The following SH2B2 variants were observed in gnomAD, a reference collection of about 807,000 sequenced individuals.
The protein encoded by SH2B2 is SH2B adapter protein 2.
SH2B2 carries 37 observed loss-of-function variants against 35.7 expected under a neutral mutation model. The ratio of observed to expected loss-of-function variants is 1.04; its 90% confidence interval spans 0.80 to 1.36. The LOEUF (loss-of-function observed/expected upper bound fraction) is 1.36. Among genes scored for constraint, SH2B2 ranks in the 40% most tolerant of loss-of-function variants. The pLI, the probability that SH2B2 is intolerant of heterozygous loss-of-function variation, is 0.00. For missense variants in SH2B2, 852 were observed against 817.7 expected (o/e 1.04, Z -0.51); for synonymous variants, 383 against 376.4 (o/e 1.02, Z -0.20).
At chr7:102,315,163 TG>T (rs1170387921) in intron 6 of SH2B2, among the ~76,000 whole-genome samples, 3 of 146,784 alleles carry the variant, frequency 2.0e-5, no homozygotes, top group African/African-American at 7.6e-5. Flanking sequence ...CACTCCAGCC[TG>T]GGCGACAGAG....
At position 102,300,883 on chromosome 7, in the gene SH2B2, C is replaced by G; in HGVS notation, c.333C>G (p.Pro111=). The G allele has an allele frequency of 6.8e-7, 1 of 1,466,210 alleles. No homozygotes were observed. The allele number at this position is 1,466,210 out of a possible 1,614,324, so 90.8% of individuals were successfully genotyped here. A position where few individuals can be genotyped will look rare whatever the true frequency, so the allele number is the denominator to read the frequency against. Residue 111 remains proline, a synonymous_variant, in exon 2 of 9, where the codon CCC becomes CCG. Transcript: ENST00000444095. ...LADTSALKAA[P]YGHSRSSEDV... ...ACACCTCTGCACTCAAGGCGGCGCC[C>G]TACGGCCACTCGCGGAGCTCGGAGG...
At chr7:102,289,260 T>C (rs1163448803) in intron 1 of SH2B2, among the ~76,000 whole-genome samples, 1 of 150,048 alleles carries the variant, frequency 6.7e-6, no homozygotes, top group Non-Finnish European at 1.5e-5. Context: ...ACCTGGGGGG[T>C]GGGGAGGACA....
At chr7:102,312,155 C>A (rs1447609738) in intron 4 of SH2B2, among the ~76,000 whole-genome samples, 2 of 150,724 alleles carry the variant, frequency 1.3e-5, no homozygotes, top group African/African-American at 4.9e-5. Context: ...AGGCGGATCA[C>A]GAGGTCAGGA....
chr7:102,315,146 G>A (rs1554556286), intron 6 of SH2B2, among the ~76,000 whole-genome samples: 15 of 150,542 alleles, frequency 1.0e-4, no homozygotes, highest in Non-Finnish European at 1.0e-4. Flanking sequence ...CCAAGATCAC[G>A]CCACTGCACT....
At position 102,308,867 on chromosome 7, in the gene SH2B2, A is replaced by C; in HGVS notation, c.884A>C (p.His295Pro). Residue 295 changes from histidine to proline, a missense_variant, in exon 4 of 9, where the codon CAC becomes CCC. This residue lies in a region of SH2B2 where 556 missense variants were observed against 514.5 expected (regional missense o/e 1.08). Transcript: ENST00000444095. ...ILETIDSLQK[H>P]SWVADIQGCV... ...GAGACCATCGACTCTCTGCAGAAGC[A>C]CTCGTGGGTAGCTGACATCCAGGGC... 1 of 1,613,506 alleles carries C rather than the reference A, an allele frequency of 6.2e-7. No individual in the cohort carries two copies. The highest frequency in any genetic ancestry group is 8.5e-7 in the Non-Finnish European group (1 of 1,179,840).
In SH2B2 at chr7:102,309,688, TAGAG is replaced by T. The variant is rs555804777; in HGVS notation, c.923+787_923+790del. On this transcript the variant is annotated intron_variant, in intron 4 of 8. Transcript: ENST00000444095. Reference sequence around the variant, plus strand: ...CCCTGTCTCTTAAAATAAAAAAAAATAGAGAGAGCTGGAGAGAGGCTCCTAACCC... The same window carrying T: ...CCCTGTCTCTTAAAATAAAAAAAAATAGAGCTGGAGAGAGGCTCCTAACCC... The T allele has an allele frequency of 2.1e-3, 352 of 170,950 alleles. 1 individual carries two copies. The highest frequency in any genetic ancestry group is 7.4e-3 in the African/African-American group (308 of 41,404). The allele number at this position is 170,950 out of a possible 1,614,324, so 10.6% of individuals were successfully genotyped here.
rs1429903185 is a variant in SH2B2, at chr7:102,300,896, C to T, written c.346C>T (p.Arg116Trp). The T allele has an allele frequency of 7.5e-6, 11 of 1,468,820 alleles. No homozygotes were observed. The highest frequency in any genetic ancestry group is 1.8e-4 in the Middle Eastern group (1 of 5,524). 91.0% of individuals were successfully genotyped at this position (1,468,820 alleles called of 1,614,324 possible). Residue 116 changes from arginine to tryptophan, a missense_variant, in exon 2 of 9, where the codon CGG becomes TGG. Physicochemically the swap from Arg to Trp is moderately radical, Grantham distance 101. Transcript: ENST00000444095. ...ALKAAPYGHS[R>W]SSEDVSTHAA... ...CAAGGCGGCGCCCTACGGCCACTCG[C>T]GGAGCTCGGAGGACGTGTCCACGCA...
chr7:102,287,949 C>T (rs902345589), intron 1 of SH2B2, among the ~76,000 whole-genome samples: 4 of 152,194 alleles, frequency 2.6e-5, no homozygotes, highest in African/African-American at 4.8e-5. Context: ...GCACTTCGAG[C>T]TAGTGCAAGG....
At chr7:102,286,390 C>T (rs1223910190), upstream of SH2B2, among the ~76,000 whole-genome samples, 7 of 152,236 alleles carry the variant, frequency 4.6e-5, no homozygotes, top group Non-Finnish European at 8.8e-5. Context: ...AGTCTGGCCA[C>T]AGCGGCGGCT....
chr7:102,301,581 T>C (rs9691311), intron 2 of SH2B2, among the ~76,000 whole-genome samples: 3,480 of 147,362 alleles, frequency 0.024, 115 homozygotes, highest in African/African-American at 0.073. Context: ...TGTGTGTGTG[T>C]GCGCGCGCGT....
chr7:102,309,078 C>T (rs1554555447), intron 4 of SH2B2, 172 bp downstream of exon 4: 3 of 704,076 alleles, frequency 4.3e-6, no homozygotes, highest in African/African-American at 1.7e-5. Flanking sequence ...TACCCCCTAC[C>T]TCCAATCGCC....
rs1793873032 is a variant in SH2B2, at chr7:102,317,220, A to C, written c.1220A>C (p.Glu407Ala). Residue 407 changes from glutamate to alanine, a missense_variant, in exon 7 of 9, where the codon GAA becomes GCA. Transcript: ENST00000444095. ...GGTGCAGAGACGGATCCCGAGGCTG[A>C]ACCCGAGCTGGAGCTATCCGACTAC... is the stretch of plus-strand genomic sequence containing the variant. ...EQGAETDPEA[E>A]PELELSDYPW... 1 of 1,610,002 alleles carries C rather than the reference A, an allele frequency of 6.2e-7. No individual in the cohort carries two copies. Among genetic ancestry groups the C allele is most frequent in the Non-Finnish European group, 8.5e-7 (1 of 1,178,252 alleles).
At chr7:102,296,857 T>C (rs1175692559) in intron 1 of SH2B2, among the ~76,000 whole-genome samples, 1 of 152,090 alleles carries the variant, frequency 6.6e-6, no homozygotes, top group Admixed American at 6.6e-5. Context: ...CTCTTGCCTG[T>C]AGTCTGAGCT....
At chr7:102,295,862 T>C (rs2242581) in intron 1 of SH2B2, among the ~76,000 whole-genome samples, 122,910 of 152,032 alleles carry the variant, frequency 0.81, 50,207 homozygotes, top group African/African-American at 0.95. Flanking sequence ...TCCCCATCCT[T>C]CCCCCACCTT....
chr7:102,299,887 C>A (rs574555234), intron 1 of SH2B2, among the ~76,000 whole-genome samples: 2 of 152,192 alleles, frequency 1.3e-5, no homozygotes, highest in African/African-American at 2.4e-5. Context: ...TGCAGGACTG[C>A]CCCTTCTGCA....
intron 1 of SH2B2, among the ~76,000 whole-genome samples, chr7:102,294,939 C>T (rs1284593533): frequency 1.3e-5 from 2 of 152,190 alleles, no homozygotes; most frequent in African/African-American, 4.8e-5. Flanking sequence ...GAGGTCAGGG[C>T]AGTCCCAACC....
chr7:102,295,491 G>A (rs931266347), intron 1 of SH2B2, among the ~76,000 whole-genome samples: 15 of 152,220 alleles, frequency 9.9e-5, no homozygotes, highest in African/African-American at 3.6e-4. Context: ...CCATGGTGGT[G>A]GTGGTGGTGG....
At chr7:102,315,912 G>A (rs1310636167) in intron 6 of SH2B2, among the ~76,000 whole-genome samples, 1 of 152,022 alleles carries the variant, frequency 6.6e-6, no homozygotes, top group African/African-American at 2.4e-5. Context: ...CTCCAGGATA[G>A]TCCTTCACAG....
At chr7:102,298,405 G>T (rs1793005774) in intron 1 of SH2B2, among the ~76,000 whole-genome samples, 1 of 152,064 alleles carries the variant, frequency 6.6e-6, no homozygotes, top group Admixed American at 6.6e-5. Context: ...AGGACTGTAG[G>T]CATGCCACCA....
Sources: gnomAD v4.1 joint callset for allele counts (sites outside exome capture counted in the v4.1 genomes callset) on GRCh38, gnomAD v4.1.1 for gene constraint, gnomAD v4.1.1 regional missense constraint, MANE v1.5 for transcripts, NCBI Gene and HGNC (gene_info 2026-07-23, HGNC 2026-07-21) for gene names.